Variants in MKLN1 observed in about 807,000 individuals in gnomAD.
MKLN1 encodes muskelin.
MKLN1 carries 18 observed loss-of-function variants against 99.0 expected under a neutral mutation model. The ratio of observed to expected loss-of-function variants is 0.18; its 90% CI spans 0.13 to 0.27. MKLN1 has a LOEUF of 0.27. Ranked by LOEUF, MKLN1 falls within the 10% of genes least tolerant of loss-of-function variation. The pLI is 1.00. For missense variants in MKLN1, 621 were observed against 875.9 expected (o/e 0.71, Z 3.67); for synonymous variants, 288 against 293.2 (o/e 0.98, Z 0.18).
intron 1 of MKLN1, among the ~76,000 whole-genome samples, chr7:131,367,034 T>C (rs984669205): frequency 5.3e-5 from 8 of 152,184 alleles, no homozygotes; most frequent in Non-Finnish European, 1.0e-4. Context: ...TAAAGACATA[T>C]AACTTGGGAA....
In MKLN1 at chr7:131,435,457, GT is replaced by G. The variant is rs958749814; in HGVS notation, c.961-2319del. On this transcript the variant is annotated intron_variant, in intron 9 of 17. Coordinates refer to ENST00000352689, the MANE Select transcript of MKLN1 (RefSeq NM_013255.5). Reference sequence around the variant, plus strand: ...GAAGAGAATGTGGATAAACAGTAGAGTTTTTTTTTCCCTTGATTTTCTGAAA... The same window carrying G: ...GAAGAGAATGTGGATAAACAGTAGAGTTTTTTTTCCCTTGATTTTCTGAAA... Among the ~76,000 whole-genome samples, 7 of 150,844 alleles carry G rather than the reference GT, an allele frequency of 4.6e-5. No homozygotes were observed. In the South Asian group the frequency reaches 1.0e-3, roughly 23 times the overall value.
chr7:131,331,602 C>T (rs1584612649), intron 1 of MKLN1, among the ~76,000 whole-genome samples: 1 of 151,958 alleles, frequency 6.6e-6, no homozygotes, highest in East Asian at 1.9e-4. Flanking sequence ...ATGGGCAACA[C>T]AATGAGACCC....
chr7:131,418,514 A>G (rs1240255747), intron 8 of MKLN1, among the ~76,000 whole-genome samples: 1 of 152,212 alleles, frequency 6.6e-6, no homozygotes, highest in African/African-American at 2.4e-5. Context: ...AAAAATCACA[A>G]AAAAAGTCTC....
At chr7:131,137,341 T>C (rs1471438143) in intron 1 of MKLN1, among the ~76,000 whole-genome samples, 2 of 152,168 alleles carry the variant, frequency 1.3e-5, no homozygotes, top group Non-Finnish European at 2.9e-5. Context: ...TTTACATATA[T>C]GCAGAATTTG....
chr7:131,351,729 T>A (rs141910735), intron 1 of MKLN1, among the ~76,000 whole-genome samples: 1 of 152,274 alleles, frequency 6.6e-6, no homozygotes, highest in Non-Finnish European at 1.5e-5. Flanking sequence ...CTCCATCAGT[T>A]TTTTAGAAAG....
intron 3 of MKLN1, among the ~76,000 whole-genome samples, chr7:131,295,874 C>T (rs75618216): frequency 0.076 from 10,535 of 137,748 alleles, 392 homozygotes; most frequent in Middle Eastern, 0.15. Flanking sequence ...AACAGAGCAA[C>T]GTCCTATCCA....
chr7:131,439,788 G>A (rs1027923747), intron 10 of MKLN1, among the ~76,000 whole-genome samples: 12 of 151,808 alleles, frequency 7.9e-5, no homozygotes, highest in Admixed American at 3.9e-4. Context: ...ACATAGTGGC[G>A]GTTTAGTTCT....
intron 2 of MKLN1, among the ~76,000 whole-genome samples, chr7:131,382,520 T>G (rs1457369723): frequency 6.6e-6 from 1 of 152,116 alleles, no homozygotes; most frequent in African/African-American, 2.4e-5. Context: ...GTTTTAAAAT[T>G]TGTTGTTATT....
chr7:131,429,128 A>G lies in MKLN1; in HGVS notation c.943A>G (p.Arg315Gly), dbSNP rs968005091. 2.5e-6 allele frequency: 4 copies of G among 1,612,384 alleles called. No individual in the cohort carries two copies. Among genetic ancestry groups the G allele is most frequent in the Middle Eastern group, 1.6e-4 (1 of 6,078 alleles). ...VKENQWTCIS[R>G]DTEKENGPSA... ...GGAGAACCAGTGGACATGTATCTCT[A>G]GAGACACTGAAAAAGAGGCAAGTTC... Residue 315 changes from arginine to glycine, a missense_variant, in exon 9 of 18, where the codon AGA (arginine) becomes GGA (glycine). Transcript: ENST00000352689.
chr7:131,176,151 C>T (rs1349208141), intron 2 of MKLN1, among the ~76,000 whole-genome samples: 1 of 152,036 alleles, frequency 6.6e-6, no homozygotes, highest in Non-Finnish European at 1.5e-5. Flanking sequence ...TAATTTGTAA[C>T]ATATCCTATA....
At chr7:131,251,348 C>T (rs187218904) in intron 3 of MKLN1, among the ~76,000 whole-genome samples, 136 of 152,266 alleles carry the variant, frequency 8.9e-4, no homozygotes, top group Non-Finnish European at 1.1e-3. Flanking sequence ...GTTTTGGTTG[C>T]TGCACATAAG....
chr7:131,378,441 T>C lies in MKLN1; in HGVS notation c.168+2948T>C, dbSNP rs188251009. Among the ~76,000 whole-genome samples, 604 of 152,332 alleles carry C rather than the reference T, an allele frequency of 4.0e-3. 2 individuals carry two copies. Among genetic ancestry groups the C allele is most frequent in the Non-Finnish European group, 6.6e-3 (447 of 68,022 alleles). On this transcript the variant is annotated intron_variant, in intron 2 of 17. Coordinates refer to ENST00000352689, the MANE Select transcript of MKLN1 (RefSeq NM_013255.5). ...TGGGTATAGTTTTCATGTATAGTTATGTAGCAAAGAGTCTTGCACTTCTAG... is the reference window on the plus strand; with the variant it reads ...TGGGTATAGTTTTCATGTATAGTTACGTAGCAAAGAGTCTTGCACTTCTAG...
At chr7:131,367,078 A>G (rs1800204965) in intron 1 of MKLN1, among the ~76,000 whole-genome samples, 1 of 152,158 alleles carries the variant, frequency 6.6e-6, no homozygotes, top group Non-Finnish European at 1.5e-5. Flanking sequence ...TCAGTTACCC[A>G]TTTGTGTTTC....
At chr7:131,367,560 TTTCTA>T (rs751990642) in intron 1 of MKLN1, among the ~76,000 whole-genome samples, 8 of 152,086 alleles carry the variant, frequency 5.3e-5, no homozygotes, top group Non-Finnish European at 1.2e-4. Flanking sequence ...AAAAAGCCAG[TTTCTA>T]TTCTTTCTTA....
At chr7:131,307,780 A>G (rs1798490183) in intron 3 of MKLN1, among the ~76,000 whole-genome samples, 1 of 152,300 alleles carries the variant, frequency 6.6e-6, no homozygotes, top group East Asian at 1.9e-4. Context: ...GCTCCTAGGC[A>G]GAAGGGACTT....
Position 131,237,720 on chromosome 7 carries a change from T to G in MKLN1, c.-179+34746T>G, listed in dbSNP as rs575955328. Among the ~76,000 whole-genome samples, 25 of 152,316 alleles carry G rather than the reference T, an allele frequency of 1.6e-4. 1 individual carries two copies. The South Asian group carries it at 4.6e-3, about 28-fold the overall frequency. On this transcript the variant is annotated intron_variant, in intron 3 of 7. Transcript: ENST00000416992. ...TAGGAAGCAATGATAGACCTGGGTG[T>G]GCCCAGAAGCAGGTAAAGATGGAGA...
At chr7:131,302,479 T>A (rs1798390374) in intron 3 of MKLN1, among the ~76,000 whole-genome samples, 1 of 152,212 alleles carries the variant, frequency 6.6e-6, no homozygotes, top group Non-Finnish European at 1.5e-5. Flanking sequence ...CCAATTTCAC[T>A]CTTCCCAAAA....
intron 1 of MKLN1, among the ~76,000 whole-genome samples, chr7:131,111,446 C>G (rs1795197391): frequency 6.6e-6 from 1 of 152,232 alleles, no homozygotes; most frequent in Non-Finnish European, 1.5e-5. Flanking sequence ...CCAGTCAGTT[C>G]ACTTCCTGTT....
rs1347520193 is a variant in MKLN1 at position 131,344,026 on chromosome 7, C to CA, written c.98+16036dup. On this transcript the variant is annotated intron_variant, in intron 1 of 17. Coordinates refer to ENST00000352689, the MANE Select transcript of MKLN1 (RefSeq NM_013255.5). The stretch of plus-strand genomic sequence containing the variant: ...CAATGGCATGTAAAAGAGAAAACAG[C>CA]AAAAAAACCCTGATTTTAAAACGGT... 7.2e-5 allele frequency among the ~76,000 whole-genome samples: 11 copies of CA among 151,806 alleles called. No individual in the cohort carries two copies. The East Asian group carries it at 1.4e-3, about 19-fold the overall frequency.
Sources: gnomAD v4.1 joint callset for allele counts (sites outside exome capture counted in the v4.1 genomes callset) on GRCh38, gnomAD v4.1.1 for gene constraint, MANE v1.5 for transcripts, NCBI Gene and HGNC (gene_info 2026-07-23, HGNC 2026-07-21) for gene names.